The following TET3 variants were observed in gnomAD, a reference collection of about 807,000 sequenced individuals.
TET3 encodes methylcytosine dioxygenase TET3.
A neutral mutation model predicts 141.4 loss-of-function variants in TET3; 19 were observed. That is an observed-to-expected ratio of 0.13 (90% CI 0.09 to 0.20). The LOEUF (loss-of-function observed/expected upper bound fraction) is 0.20. Among genes scored for constraint, TET3 ranks in the 10% least tolerant of loss-of-function variants. The pLI, the probability that TET3 is intolerant of heterozygous loss-of-function variation, is 1.00. For missense variants in TET3, 1,874 were observed against 2,356.9 expected (o/e 0.80, Z 4.24); for synonymous variants, 1,043 against 980.9 (o/e 1.06, Z -1.18).
chr2:74,035,201 CAAAAAAA>C lies in TET3; in HGVS notation c.361-11063_361-11057del, dbSNP rs35642768. Among the ~76,000 whole-genome samples, 205 of 65,466 alleles carry C rather than the reference CAAAAAAA, an allele frequency of 3.1e-3. 2 individuals are homozygous for C. The highest frequency in any genetic ancestry group is 0.012 in the African/African-American group (200 of 16,472). The allele number at this position is 65,466 out of a possible 152,430, so 42.9% of individuals were successfully genotyped here. Reference sequence around the variant, plus strand: ...TGGGCAACAGAGTGAGACTCCGTCTCAAAAAAAAAAAAAAAAAAAAGTTATTGGGGCC... The same window carrying C: ...TGGGCAACAGAGTGAGACTCCGTCTCAAAAAAAAAAAAAGTTATTGGGGCC... On this transcript the variant is annotated intron_variant, in intron 3 of 11. Coordinates refer to ENST00000409262, the MANE Select transcript of TET3 (RefSeq NM_001287491.2).
chr2:74,052,232 A>G (rs759213064), intron 4 of TET3, among the ~76,000 whole-genome samples: 7 of 152,146 alleles, frequency 4.6e-5, no homozygotes, highest in Non-Finnish European at 1.0e-4. Context: ...CACCTGCCTC[A>G]GCCTCCCAAA....
the TET3 span, among the ~76,000 whole-genome samples, chr2:74,125,634 G>A: frequency 6.6e-6 from 1 of 152,032 alleles, no homozygotes; most frequent in African/African-American, 2.4e-5. Context: ...GTGGCATTGT[G>A]GAGGTACAGA....
At chr2:74,115,808 G>T in the TET3 span, among the ~76,000 whole-genome samples, 1 of 152,100 alleles carries the variant, frequency 6.6e-6, no homozygotes, top group Non-Finnish European at 1.5e-5. Context: ...CAGCCCAGGA[G>T]TTCAAGACCA....
At chr2:74,032,508 T>TGTGTGTGTGG (rs1491152838) in intron 3 of TET3, among the ~76,000 whole-genome samples, 1 of 43,908 alleles carries the variant, frequency 2.3e-5, no homozygotes, top group African/African-American at 1.8e-4. Context: ...TGTGTGTGTG[T>TGTGTGTGTGG]TAGGGGAGTT....
At chr2:74,083,917 G>A (rs1008276544) in intron 6 of TET3, among the ~76,000 whole-genome samples, 17 of 152,126 alleles carry the variant, frequency 1.1e-4, no homozygotes, top group Admixed American at 3.9e-4. Context: ...ATAGTGCCTC[G>A]CAAACCCTAG....
the TET3 span, among the ~76,000 whole-genome samples, chr2:74,120,476 A>C: frequency 6.6e-6 from 1 of 152,186 alleles, no homozygotes; most frequent in Non-Finnish European, 1.5e-5. Flanking sequence ...GGGCCGCTGG[A>C]GTCGCGAATG....
chr2:74,071,077 T>A (rs1307130958), intron 4 of TET3, among the ~76,000 whole-genome samples: 2 of 152,160 alleles, frequency 1.3e-5, no homozygotes, highest in African/African-American at 2.4e-5. Context: ...GCAGATCTGG[T>A]GTCTGTCGAG....
intron 8 of TET3, among the ~76,000 whole-genome samples, chr2:74,090,639 C>T (rs1006697629): frequency 6.6e-6 from 1 of 152,198 alleles, no homozygotes; most frequent in African/African-American, 2.4e-5. Flanking sequence ...TACCCAGACC[C>T]CTGCCCTGCA....
the TET3 span, among the ~76,000 whole-genome samples, chr2:74,132,423 G>C: frequency 1.3e-5 from 2 of 152,196 alleles, no homozygotes; most frequent in Admixed American, 1.3e-4. Flanking sequence ...ACCTCACTGT[G>C]TGCCATCCAG....
At chr2:74,015,383 T>G (rs1410887000) in intron 3 of TET3, among the ~76,000 whole-genome samples, 1 of 152,234 alleles carries the variant, frequency 6.6e-6, no homozygotes, top group Non-Finnish European at 1.5e-5. Flanking sequence ...TGAGAATCCC[T>G]ATTTCTTCTC....
intron 4 of TET3, among the ~76,000 whole-genome samples, chr2:74,070,523 T>C (rs1689148961): frequency 6.6e-6 from 1 of 152,230 alleles, no homozygotes; most frequent in Non-Finnish European, 1.5e-5. Flanking sequence ...ATCTGCGCTG[T>C]GCTGCTTTCA....
At chr2:74,084,792 C>G (rs978556856) in intron 6 of TET3, among the ~76,000 whole-genome samples, 2 of 152,120 alleles carry the variant, frequency 1.3e-5, no homozygotes, top group African/African-American at 4.8e-5. Context: ...AAAAAATTAG[C>G]CAGGCGTGGT....
At chr2:73,990,050 G>T (rs1056046733) in intron 2 of TET3, among the ~76,000 whole-genome samples, 1 of 152,084 alleles carries the variant, frequency 6.6e-6, no homozygotes, top group South Asian at 2.1e-4. Context: ...TCTAGAAAAT[G>T]ATGAATCTTT....
At chr2:74,005,809 G>GC (rs1053853361) in intron 3 of TET3, among the ~76,000 whole-genome samples, 1 of 152,180 alleles carries the variant, frequency 6.6e-6, no homozygotes, top group Non-Finnish European at 1.5e-5. Context: ...CTTGATAAAC[G>GC]CAAGTTGACA....
chr2:74,042,125 G>C (rs1414641416), intron 3 of TET3, among the ~76,000 whole-genome samples: 1 of 152,198 alleles, frequency 6.6e-6, no homozygotes, highest in Non-Finnish European at 1.5e-5. Context: ...TACCCTTTGA[G>C]CATGGTCATT....
chr2:74,048,430 CAG>C lies in TET3; in HGVS notation c.2494+20_2494+21del, dbSNP rs1313476858. ...TGCGTCGGTAAGTCCGCCTGGGTAT[CAG>C]GGAAGGGCAGAGAAAGGGCTGTGGC... is the stretch of plus-strand genomic sequence containing the variant. On this transcript the variant is annotated intron_variant, in intron 4 of 11. Transcript: ENST00000409262. 1.3e-6 allele frequency: 2 copies of C among 1,582,800 alleles called. No individual in the cohort carries two copies. Among genetic ancestry groups the C allele is most frequent in the Non-Finnish European group, 1.7e-6 (2 of 1,162,922 alleles).
intron 4 of TET3, among the ~76,000 whole-genome samples, chr2:74,057,509 T>G (rs1213403414): frequency 1.3e-5 from 2 of 152,232 alleles, no homozygotes; most frequent in Non-Finnish European, 2.9e-5. Flanking sequence ...TTGAGCACTG[T>G]CCAGGTAAAC....
chr2:74,111,612 T>C (rs1001362599), downstream of TET3, among the ~76,000 whole-genome samples: 4 of 152,204 alleles, frequency 2.6e-5, no homozygotes, highest in South Asian at 4.1e-4. Flanking sequence ...CTCCCTGATA[T>C]GGACAGAGGC....
chr2:74,021,909 A>G (rs1686065742), intron 3 of TET3, among the ~76,000 whole-genome samples: 1 of 152,236 alleles, frequency 6.6e-6, no homozygotes, highest in South Asian at 2.1e-4. Flanking sequence ...ACAGGAAGAC[A>G]TTTCAGATAT....
Sources: allele counts gnomAD v4.1 joint callset (sites outside exome capture counted in the v4.1 genomes callset), GRCh38; gene constraint gnomAD v4.1.1; transcripts MANE v1.5; gene names NCBI Gene and HGNC (gene_info 2026-07-23, HGNC 2026-07-21).